Variants in RBFOX1 observed in about 807,000 individuals in gnomAD.
RBFOX1 encodes RNA binding protein fox-1 homolog 1.
RBFOX1 carries 8 observed loss-of-function variants against 57.7 expected under a neutral mutation model. That is an observed-to-expected ratio of 0.14 (90% CI 0.08 to 0.25). RBFOX1 has a LOEUF of 0.25. Among genes scored for constraint, RBFOX1 ranks in the 10% least tolerant of loss-of-function variants. The pLI is 1.00. For synonymous variants in RBFOX1, 326 were observed against 222.4 expected (o/e 1.47, Z -4.15); for missense variants, 611 against 548.5 (o/e 1.11, Z -1.14).
intron 2 of RBFOX1, among the ~76,000 whole-genome samples, chr16:5,557,259 CAATAAATAAATA>C (rs201351265): frequency 5.2e-4 from 74 of 143,572 alleles, no homozygotes; most frequent in African/African-American, 1.6e-3. Flanking sequence ...GACTCCATCT[CAATAAATAAATA>C]AATAAATAAA....
chr16:5,432,177 T>C (rs1277733115), intron 1 of RBFOX1, among the ~76,000 whole-genome samples: 1 of 152,104 alleles, frequency 6.6e-6, no homozygotes, highest in Admixed American at 6.5e-5. Flanking sequence ...CAGCGAGGTG[T>C]GGACATCACA....
At chr16:5,539,510 C>G (rs1158133185) in intron 2 of RBFOX1, among the ~76,000 whole-genome samples, 2 of 151,948 alleles carry the variant, frequency 1.3e-5, no homozygotes, top group African/African-American at 4.8e-5. Context: ...GAGGCTGAGG[C>G]AGGAGAATTG....
At chr16:6,358,505 A>G (rs888572348) in intron 2 of RBFOX1, among the ~76,000 whole-genome samples, 1 of 152,220 alleles carries the variant, frequency 6.6e-6, no homozygotes, top group African/African-American at 2.4e-5. Flanking sequence ...CCATAGATAA[A>G]GATCCAGCTG....
chr16:5,760,365 C>G (rs1022920160), intron 3 of RBFOX1, among the ~76,000 whole-genome samples: 1 of 152,060 alleles, frequency 6.6e-6, no homozygotes, highest in African/African-American at 2.4e-5. Context: ...CAATTTCACA[C>G]ACACACACAC....
chr16:6,385,846 G>A (rs560581898), intron 2 of RBFOX1, among the ~76,000 whole-genome samples: 49 of 152,190 alleles, frequency 3.2e-4, no homozygotes, highest in Non-Finnish European at 5.4e-4. Flanking sequence ...TACTAGTCTG[G>A]GGGAAGAGTG....
chr16:6,252,216 C>T (rs986837218), intron 1 of RBFOX1, among the ~76,000 whole-genome samples: 6 of 152,010 alleles, frequency 3.9e-5, no homozygotes, highest in Admixed American at 2.6e-4. Context: ...AGGCAGAGAG[C>T]CCTTCTGCCA....
intron 4 of RBFOX1, among the ~76,000 whole-genome samples, chr16:7,114,900 A>C (rs2065558520): frequency 6.6e-6 from 1 of 152,166 alleles, no homozygotes; most frequent in Non-Finnish European, 1.5e-5. Flanking sequence ...GAGCAAACCA[A>C]AATTTGGAAA....
intron 2 of RBFOX1, among the ~76,000 whole-genome samples, chr16:5,526,784 C>G (rs1357244984): frequency 6.6e-6 from 1 of 152,232 alleles, no homozygotes; most frequent in Admixed American, 6.5e-5. Flanking sequence ...CTGGCACACA[C>G]TAGTGTCCAT....
intron 2 of RBFOX1, among the ~76,000 whole-genome samples, chr16:6,641,516 C>G (rs1049883887): frequency 1.3e-5 from 2 of 152,004 alleles, no homozygotes; most frequent in East Asian, 1.9e-4. Context: ...GGGCAGATCG[C>G]TTGAGCCCAG....
chr16:5,960,602 C>G (rs2059728419), intron 4 of RBFOX1, among the ~76,000 whole-genome samples: 1 of 152,042 alleles, frequency 6.6e-6, no homozygotes, highest in Admixed American at 6.6e-5. Context: ...AGATTCATGC[C>G]GTTCACAGAG....
intron 4 of RBFOX1, among the ~76,000 whole-genome samples, chr16:5,904,976 CAA>C (rs57824134): frequency 2.4e-3 from 161 of 66,806 alleles, no homozygotes; most frequent in African/African-American, 4.1e-3. Flanking sequence ...GACTCCGTCT[CAA>C]AAAAAAAAAA....
chr16:6,900,786 A>C (rs138916516), intron 3 of RBFOX1, among the ~76,000 whole-genome samples: 1 of 152,066 alleles, frequency 6.6e-6, no homozygotes, highest in African/African-American at 2.4e-5. Context: ...CTCTTCCTTC[A>C]CAGCACACAA....
intron 4 of RBFOX1, among the ~76,000 whole-genome samples, chr16:7,457,707 G>A (rs1357460770): frequency 1.3e-5 from 2 of 151,974 alleles, no homozygotes; most frequent in African/African-American, 2.4e-5. Flanking sequence ...AGCCTAAGAG[G>A]GCCCTCCCCA....
intron 4 of RBFOX1, among the ~76,000 whole-genome samples, chr16:7,191,244 A>G (rs942856786): frequency 6.6e-6 from 1 of 151,944 alleles, no homozygotes; most frequent in Non-Finnish European, 1.5e-5. Context: ...AGTCTTTAAT[A>G]TTTGATGGGA....
At chr16:6,904,716 T>G (rs573286979) in intron 3 of RBFOX1, among the ~76,000 whole-genome samples, 11 of 152,042 alleles carry the variant, frequency 7.2e-5, no homozygotes, top group South Asian at 2.1e-4. Context: ...TCTCCTTGGT[T>G]TTCTCTACTC....
intron 4 of RBFOX1, among the ~76,000 whole-genome samples, chr16:7,377,251 G>A (rs2097701384): frequency 6.6e-6 from 1 of 152,170 alleles, no homozygotes; most frequent in Non-Finnish European, 1.5e-5. Context: ...GCATATGTCA[G>A]TGACCTCCAA....
chr16:5,794,291 C>T (rs899508115), intron 3 of RBFOX1, among the ~76,000 whole-genome samples: 49 of 150,108 alleles, frequency 3.3e-4, no homozygotes, highest in Non-Finnish European at 6.5e-4. Flanking sequence ...CCCTCCTTCA[C>T]CTTCCCTTCC....
intron 2 of RBFOX1, among the ~76,000 whole-genome samples, chr16:6,525,423 A>T (rs556453338): frequency 6.6e-6 from 1 of 152,352 alleles, no homozygotes; most frequent in East Asian, 1.9e-4. Flanking sequence ...GGAGACATTG[A>T]GAAGTGATGC....
chr16:6,952,654 A>C (rs1476591022), intron 3 of RBFOX1, among the ~76,000 whole-genome samples: 1 of 151,992 alleles, frequency 6.6e-6, no homozygotes, highest in African/African-American at 2.4e-5. Flanking sequence ...CCCTCCAAAA[A>C]AAAGAAAAGA....
Sources: gnomAD v4.1 joint callset for allele counts (sites outside exome capture counted in the v4.1 genomes callset) on GRCh38, gnomAD v4.1.1 for gene constraint, MANE v1.5 for transcripts, NCBI Gene and HGNC (gene_info 2026-07-23, HGNC 2026-07-21) for gene names.